Variants in USP49 observed in about 807,000 individuals in gnomAD.
USP49 encodes ubiquitin specific peptidase 49, also known as ubiquitin carboxyl-terminal hydrolase 49.
Under a neutral mutation model 58.6 loss-of-function variants are expected in USP49, and 24 were observed. The observed-to-expected ratio is 0.41, with a 90% confidence interval of 0.30 to 0.58. The LOEUF (loss-of-function observed/expected upper bound fraction) is 0.58. Among genes scored for constraint, USP49 ranks in the 20% least tolerant of loss-of-function variants. The pLI is 0.30. For missense variants in USP49, 703 were observed against 866.1 expected (o/e 0.81, Z 2.36); for synonymous variants, 408 against 365.1 (o/e 1.12, Z -1.34).
At chr6:41,846,291 T>C (rs1052091149) in intron 3 of USP49, among the ~76,000 whole-genome samples, 1 of 152,132 alleles carries the variant, frequency 6.6e-6, no homozygotes, top group East Asian at 1.9e-4. Flanking sequence ...CACTCCAGCC[T>C]GGGTGACAGA....
At chr6:41,822,630 G>A (rs142492653) in intron 3 of USP49, among the ~76,000 whole-genome samples, 54 of 152,168 alleles carry the variant, frequency 3.5e-4, no homozygotes, top group Middle Eastern at 3.4e-3. Context: ...GGCGGATCAC[G>A]AGGTCAAGAA....
At position 41,790,231 on chromosome 6, in the gene USP49, G is replaced by A. The variant is rs1284935057; in HGVS notation, c.*6302C>T. 1 of 152,268 alleles carries A rather than the reference G, an allele frequency of 6.6e-6. No homozygotes were observed. Among genetic ancestry groups the A allele is most frequent in the African/African-American group, 2.4e-5 (1 of 41,468 alleles). 9.4% of individuals were successfully genotyped at this position (152,268 alleles called of 1,614,324 possible). ...CCAGGGAGGCATCATTGCTGGAATA[G>A]TGAGGTTTGGTGGCAGAAAGAGGGC... On this transcript the variant is annotated 3_prime_UTR_variant, in exon 8 of 8. Transcript: ENST00000682992.
At chr6:41,894,332 C>T (rs990348727) in intron 1 of USP49, 1 of 152,326 alleles carries the variant, frequency 6.6e-6, no homozygotes, top group African/African-American at 2.4e-5. Context: ...CTCTTCTGGT[C>T]CCAGAATCGT....
At chr6:41,832,700 A>G (rs1022003255) in intron 3 of USP49, among the ~76,000 whole-genome samples, 1 of 152,160 alleles carries the variant, frequency 6.6e-6, no homozygotes, top group African/African-American at 2.4e-5. Context: ...TCAAAAAAAA[A>G]TTTTCTGAGC....
At chr6:41,802,385 ATTTTATTTTATTTTATTTTATT>A (rs1281992152) in intron 5 of USP49, among the ~76,000 whole-genome samples, 5 of 85,666 alleles carry the variant, frequency 5.8e-5, no homozygotes, top group South Asian at 4.0e-4. Context: ...CCCACAATTT[ATTTTATTTTATTTTATTTTATT>A]TTTTATTTTA....
intron 3 of USP49, among the ~76,000 whole-genome samples, chr6:41,861,184 C>T (rs564026581): frequency 6.6e-6 from 1 of 152,084 alleles, no homozygotes; most frequent in South Asian, 2.1e-4. Context: ...TGGCTCACGC[C>T]TGTAATCTCA....
At chr6:41,865,591 T>C (rs534178015) in intron 3 of USP49, among the ~76,000 whole-genome samples, 17 of 152,188 alleles carry the variant, frequency 1.1e-4, no homozygotes, top group Non-Finnish European at 2.4e-4. Flanking sequence ...TCCTCTGGCT[T>C]CTGCCTCCCT....
intron 7 of USP49, chr6:41,797,967 G>C (rs1772915983): frequency 9.5e-6 from 3 of 314,270 alleles, no homozygotes; most frequent in Non-Finnish European, 1.4e-5. Flanking sequence ...TCCTGGGCTT[G>C]AGCAATTCTC....
Position 41,805,696 on chromosome 6 carries a change from G to C in USP49, c.1288C>G (p.Gln430Glu). The stretch of plus-strand genomic sequence containing the variant: ...AAGACCTGTTTGGTGAGCTTCCTCT[G>C]GGAGAAGGGGATGAGGATCCGGCGT... Reference protein sequence around the residue: ...TTRRILIPFSQRKLTKQVLKV... With the variant: ...TTRRILIPFSERKLTKQVLKV... The change falls in exon 4 of 8, where the codon CAG (glutamine) becomes GAG (glutamate). Residue 430 changes from glutamine to glutamate, a missense_variant. By Grantham distance (29) the Gln-to-Glu change is conservative (BLOSUM62 2). Around this residue, in one of 6 missense-constraint regions of USP49, gnomAD observed 66 missense variants for 116.0 expected, o/e 0.57. Transcript: ENST00000682992. The C allele has an allele frequency of 6.2e-7, 1 of 1,614,144 alleles. No homozygotes were observed. The highest frequency in any genetic ancestry group is 1.1e-5 in the South Asian group (1 of 91,080).
chr6:41,893,758 G>A (rs1167320397), intron 1 of USP49, among the ~76,000 whole-genome samples: 1 of 152,184 alleles, frequency 6.6e-6, no homozygotes, highest in Admixed American at 6.5e-5. Context: ...GGTGGAAGCA[G>A]ATTCAAGATT....
At position 41,799,851 on chromosome 6, in the gene USP49, C is replaced by T. The variant is rs1400085406; in HGVS notation, c.1649G>A (p.Arg550Gln). 1 of 1,613,982 alleles carries T rather than the reference C, an allele frequency of 6.2e-7. No homozygotes were observed. The highest frequency in any genetic ancestry group is 8.5e-7 in the Non-Finnish European group (1 of 1,179,920). ...LMIYRLPQVLRLHLKRFRWSG... is the reference protein window; with the variant it reads ...LMIYRLPQVLQLHLKRFRWSG... ...TCACCTGAATCTTTTAAGGTGCAGC[C>T]GGAGAACCTGAGGTAGTCTGTAGAT... The change falls in exon 6 of 8, where the codon CGG becomes CAG. Residue 550 changes from arginine (R) to glutamine (Q), a missense_variant. Coordinates refer to ENST00000682992, the MANE Select transcript of USP49 (RefSeq NM_001286554.2).
intron 3 of USP49, among the ~76,000 whole-genome samples, chr6:41,835,910 A>G (rs1249983468): frequency 6.6e-6 from 1 of 151,876 alleles, no homozygotes; most frequent in Non-Finnish European, 1.5e-5. Context: ...CATCTCTACA[A>G]AAATAAAAAA....
At position 41,891,619 on chromosome 6, in the gene USP49, T is replaced by C. The variant is rs1774811923; in HGVS notation, c.-103+175A>G. On this transcript the variant is annotated intron_variant, in intron 2 of 7. Transcript: ENST00000682992. Reference sequence around the variant, plus strand: ...TACACAGGTATTTTTTACTCAAAAATTGAGAATGGGGCAAGAGGAAACAAA... The same window carrying C: ...TACACAGGTATTTTTTACTCAAAAACTGAGAATGGGGCAAGAGGAAACAAA... Among the ~76,000 whole-genome samples, 4 of 152,152 alleles carry C rather than the reference T, an allele frequency of 2.6e-5. No homozygotes were observed. The South Asian group carries it at 8.3e-4, about 32-fold the overall frequency.
At chr6:41,883,716 G>A (rs1774656468) in intron 2 of USP49, among the ~76,000 whole-genome samples, 1 of 152,078 alleles carries the variant, frequency 6.6e-6, no homozygotes, top group African/African-American at 2.4e-5. Flanking sequence ...CCAAGTGTTG[G>A]GAGGGGCGGT....
At position 41,806,833 on chromosome 6, in the gene USP49, C is replaced by T. The variant is rs145119582; in HGVS notation, c.151G>A (p.Glu51Lys). The change falls in exon 4 of 8, where the codon GAG (glutamate) becomes AAG (lysine). Residue 51 changes from glutamate to lysine, a missense_variant. By Grantham distance (56) the Glu-to-Lys change is moderately conservative. This residue lies in a region of USP49 where 376 missense variants were observed against 373.5 expected (regional missense o/e 1.01). Transcript: ENST00000682992. The surrounding 1 kb of genome is among the most constrained non-coding windows in gnomAD (Gnocchi z 5.9). ...TCAAAGTGTTTCAGGGCGTGGTCCT[C>T]AATATAGCGGCCGCAGGCCACGTGG... is the stretch of plus-strand genomic sequence containing the variant. ...CSHVACGRYI[E>K]DHALKHFEET... 4.6e-5 allele frequency: 75 copies of T among 1,613,988 alleles called. 1 individual carries two copies. In the East Asian group the frequency reaches 7.1e-4, roughly 15 times the overall value.
At position 41,802,456 on chromosome 6, in the gene USP49, A is replaced by ATTTTTTTTTT. The variant is rs1186521851; in HGVS notation, c.1561+1349_1561+1350insAAAAAAAAAA. 4.0e-4 allele frequency among the ~76,000 whole-genome samples: 28 copies of ATTTTTTTTTT among 70,272 alleles called. 2 individuals carry two copies. Among genetic ancestry groups the ATTTTTTTTTT allele is most frequent in the Middle Eastern group, 6.3e-3 (1 of 158 alleles). The allele number at this position is 70,272 out of a possible 152,430, so 46.1% of individuals were successfully genotyped here. On this transcript the variant is annotated intron_variant, in intron 5 of 7. Coordinates refer to ENST00000682992, the MANE Select transcript of USP49 (RefSeq NM_001286554.2). Reference sequence around the variant, plus strand: ...TATTTATTTATTTATTTATTTATTTATTTATTTATTTATTTTTTATTTATT... The same window carrying ATTTTTTTTTT: ...TATTTATTTATTTATTTATTTATTTATTTTTTTTTTTTTATTTATTTATTTTTTATTTATT...
At chr6:41,869,378 A>C (rs1393035123) in intron 3 of USP49, among the ~76,000 whole-genome samples, 2 of 152,062 alleles carry the variant, frequency 1.3e-5, no homozygotes, top group Admixed American at 6.6e-5. Flanking sequence ...TAAATAAAAA[A>C]TAAAATAATT....
At position 41,806,267 on chromosome 6, in the gene USP49, T is replaced by C. The variant is rs755399597; in HGVS notation, c.717A>G (p.Thr239=). ...LPTSRRVPAA[T]LKLRRQPAMA... is the part of the protein sequence containing the mutation. ...TGGCCGGCTGGCGACGCAGCTTGAGTGTGGCGGCGGGCACTCTGCGTGAGG... is the reference window on the plus strand; with the variant it reads ...TGGCCGGCTGGCGACGCAGCTTGAGCGTGGCGGCGGGCACTCTGCGTGAGG... Residue 239 remains threonine, a synonymous_variant, in exon 4 of 8, where the codon ACA becomes ACG. Transcript: ENST00000682992. This position sits in a 1 kb window ranked among gnomAD's most constrained non-coding sequence, Gnocchi z 5.9. The C allele has an allele frequency of 7.5e-6, 12 of 1,605,382 alleles. No individual in the cohort carries two copies. The highest frequency in any genetic ancestry group is 9.3e-6 in the Non-Finnish European group (11 of 1,179,530).
intron 7 of USP49, among the ~76,000 whole-genome samples, chr6:41,797,173 G>A (rs991291482): frequency 6.6e-6 from 1 of 152,060 alleles, no homozygotes; most frequent in Non-Finnish European, 1.5e-5. Context: ...TGTTAGCCAG[G>A]ATGGTCTCGA....
Sources: gnomAD v4.1 joint callset for allele counts (sites outside exome capture counted in the v4.1 genomes callset) on GRCh38, gnomAD v4.1.1 for gene constraint, gnomAD v4.1.1 regional missense constraint, Gnocchi (gnomAD v3.1) non-coding constraint, MANE v1.5 for transcripts, NCBI Gene and HGNC (gene_info 2026-07-23, HGNC 2026-07-21) for gene names.